SUSD6: variants seen among roughly 807,000 people sequenced by gnomAD.
The protein encoded by SUSD6 is sushi domain-containing protein 6.
SUSD6 carries 16 observed loss-of-function variants against 28.4 expected under a neutral mutation model. The ratio of observed to expected loss-of-function variants is 0.56; its 90% confidence interval spans 0.38 to 0.86. The LOEUF (loss-of-function observed/expected upper bound fraction) is 0.86, where lower values mean the gene tolerates loss of function less well. Ranked by LOEUF, SUSD6 falls within the 40% of genes least tolerant of loss-of-function variation. The probability of loss-of-function intolerance (pLI) is 0.00; values close to 1 mark genes in which losing one functional copy is unlikely to be tolerated. For synonymous variants in SUSD6, 147 were observed against 159.6 expected (o/e 0.92, Z 0.59); for missense variants, 341 against 384.2 (o/e 0.89, Z 0.94).
chr14:69,697,173 G>A (rs926020153), intron 2 of SUSD6, among the ~76,000 whole-genome samples: 1 of 152,140 alleles, frequency 6.6e-6, no homozygotes, highest in Admixed American at 6.5e-5. Flanking sequence ...CTTTTAGCAT[G>A]CTACTGCATT....
intron 2 of SUSD6, among the ~76,000 whole-genome samples, chr14:69,677,187 T>TG (rs1452639364): frequency 6.6e-6 from 1 of 152,152 alleles, no homozygotes; most frequent in Non-Finnish European, 1.5e-5. Flanking sequence ...TGAAGGCAGG[T>TG]GGGGAAACCC....
chr14:69,654,890 G>A (rs1885558741), intron 1 of SUSD6, among the ~76,000 whole-genome samples: 1 of 147,030 alleles, frequency 6.8e-6, no homozygotes, highest in South Asian at 2.2e-4. Context: ...CGCCTCCTGG[G>A]TTCAAGCGAT....
chr14:69,672,884 C>T (rs180693334), intron 2 of SUSD6, among the ~76,000 whole-genome samples: 1 of 152,228 alleles, frequency 6.6e-6, no homozygotes, highest in African/African-American at 2.4e-5. Flanking sequence ...CTAGAGCTGG[C>T]ATGAAAAGGT....
At chr14:69,677,858 A>G (rs1017476111) in intron 2 of SUSD6, among the ~76,000 whole-genome samples, 2 of 152,244 alleles carry the variant, frequency 1.3e-5, no homozygotes, top group East Asian at 1.9e-4. Flanking sequence ...TAAAAATACT[A>G]TAGGCGAAAA....
At chr14:69,652,852 G>A (rs1885523929) in intron 1 of SUSD6, among the ~76,000 whole-genome samples, 3 of 152,218 alleles carry the variant, frequency 2.0e-5, no homozygotes, top group Admixed American at 6.5e-5. Context: ...TTGGGCTTGT[G>A]TTGCAGGCCC....
At chr14:69,628,846 A>G (rs1200376309) in intron 1 of SUSD6, among the ~76,000 whole-genome samples, 3 of 151,494 alleles carry the variant, frequency 2.0e-5, no homozygotes, top group African/African-American at 7.3e-5. Flanking sequence ...AGCTGGGACT[A>G]CAGGCACATA....
At chr14:69,706,471 T>G (rs1886388548) in intron 4 of SUSD6, among the ~76,000 whole-genome samples, 1 of 152,156 alleles carries the variant, frequency 6.6e-6, no homozygotes, top group African/African-American at 2.4e-5. Flanking sequence ...TTTTTTTTCT[T>G]TTTCTGAGAC....
intron 1 of SUSD6, among the ~76,000 whole-genome samples, chr14:69,647,095 AATGGATGG>A (rs1433601044): frequency 6.6e-6 from 1 of 152,140 alleles, no homozygotes; most frequent in African/African-American, 2.4e-5. Context: ...TGAATGAATG[AATGGATGG>A]ATGGATGAAA....
intron 2 of SUSD6, among the ~76,000 whole-genome samples, chr14:69,701,225 T>G (rs1384673755): frequency 2.6e-5 from 4 of 151,784 alleles, no homozygotes; most frequent in South Asian, 2.1e-4. Flanking sequence ...TTTTTTTGAC[T>G]TATTATGAGT....
intron 1 of SUSD6, among the ~76,000 whole-genome samples, chr14:69,629,698 T>C (rs565087442): frequency 6.6e-4 from 101 of 152,222 alleles, no homozygotes; most frequent in Middle Eastern, 3.2e-3. Flanking sequence ...GGAATGATGA[T>C]TCTGTTTTGC....
chr14:69,703,584 TCAA>T lies in SUSD6; in HGVS notation c.313_315del (p.Asn105del). 6.2e-7 allele frequency: 1 copy of T among 1,614,126 alleles called. No homozygotes were observed. Among genetic ancestry groups the T allele is most frequent in the Non-Finnish European group, 8.5e-7 (1 of 1,179,960 alleles). ...CCAGCCATGGAGATTAGCTGCCGTC[TCAA>T]CGAGGGTCAGTCTGGCAGATGAAAA... is the stretch of plus-strand genomic sequence containing the variant. On this transcript the variant is annotated inframe_deletion, in exon 3 of 6. Transcript: ENST00000342745.
intron 2 of SUSD6, among the ~76,000 whole-genome samples, chr14:69,664,140 A>G (rs1275492906): frequency 6.6e-6 from 1 of 151,916 alleles, no homozygotes; most frequent in African/African-American, 2.4e-5. Flanking sequence ...CACCACGCCC[A>G]GCTAATGTTT....
intron 1 of SUSD6, among the ~76,000 whole-genome samples, chr14:69,644,508 G>A (rs551689723): frequency 1.1e-4 from 17 of 152,176 alleles, no homozygotes; most frequent in Non-Finnish European, 1.6e-4. Flanking sequence ...AAATTAGCTG[G>A]GCTTGGGGGC....
intron 1 of SUSD6, among the ~76,000 whole-genome samples, chr14:69,640,775 T>G (rs1397541374): frequency 6.6e-6 from 1 of 152,248 alleles, no homozygotes; most frequent in African/African-American, 2.4e-5. Flanking sequence ...TAACTTGATT[T>G]TATTCTGATA....
chr14:69,625,457 C>T (rs1294585791), intron 1 of SUSD6, among the ~76,000 whole-genome samples: 1 of 152,188 alleles, frequency 6.6e-6, no homozygotes, highest in African/African-American at 2.4e-5. Flanking sequence ...CTGACGCCTA[C>T]ATGGTCTCCT....
chr14:69,624,257 T>C (rs778620234), intron 1 of SUSD6, among the ~76,000 whole-genome samples: 8 of 152,250 alleles, frequency 5.3e-5, no homozygotes, highest in Admixed American at 1.3e-4. Context: ...GGCTATGCCA[T>C]GTAGCTGAGG....
intron 1 of SUSD6, among the ~76,000 whole-genome samples, chr14:69,629,612 C>T (rs1885165255): frequency 6.6e-6 from 1 of 152,198 alleles, no homozygotes; most frequent in Admixed American, 6.5e-5. Context: ...GCTCCTTTTC[C>T]TCTCAGGGAT....
chr14:69,633,158 C>G (rs1236233551), intron 1 of SUSD6, among the ~76,000 whole-genome samples: 1 of 152,216 alleles, frequency 6.6e-6, no homozygotes, highest in Admixed American at 6.5e-5. Context: ...GGTCAGGTTT[C>G]CTGCTCAAGA....
intron 2 of SUSD6, among the ~76,000 whole-genome samples, chr14:69,685,971 G>C (rs1183482520): frequency 6.6e-6 from 1 of 152,238 alleles, no homozygotes; most frequent in African/African-American, 2.4e-5. Flanking sequence ...AGCCTCGCCA[G>C]CTCCCTCTGT....
Sources: allele counts gnomAD v4.1 joint callset (sites outside exome capture counted in the v4.1 genomes callset), GRCh38; gene constraint gnomAD v4.1.1; transcripts MANE v1.5; gene names NCBI Gene and HGNC (gene_info 2026-07-23, HGNC 2026-07-21).